Variants in SVIL observed in about 807,000 individuals in gnomAD.
SVIL encodes supervillin.
Under a neutral mutation model 240.4 loss-of-function variants are expected in SVIL, and 101 were observed. The observed-to-expected ratio is 0.42, with a 90% CI of 0.36 to 0.50. The LOEUF is 0.50. SVIL is among the 20% of genes least tolerant of loss of function. SVIL has a pLI of 0.01. For missense variants in SVIL, 2,512 were observed against 2,818.7 expected (o/e 0.89, Z 2.46); for synonymous variants, 999 against 1,100.0 (o/e 0.91, Z 1.82).
rs149889108 is a variant in SVIL at position 29,473,678 on chromosome 10, A to G, written c.5529+160T>C. 6,188 of 864,904 alleles carry G rather than the reference A, an allele frequency of 7.2e-3. 26 individuals carry two copies. Among genetic ancestry groups the G allele is most frequent in the Middle Eastern group, 0.02 (59 of 2,884 alleles). The allele number at this position is 864,904 out of a possible 1,614,324, so 53.6% of individuals were successfully genotyped here. On this transcript the variant is annotated intron_variant, in intron 30 of 37. Transcript: ENST00000355867. The stretch of plus-strand genomic sequence containing the variant: ...GGAGGAGGAAAGAAATGGGAGGCAC[A>G]GCCTGAGACCTGCAGAAGCCAGACC...
intron 17 of SVIL, chr10:29,507,829 A>G: frequency 1.0e-6 from 1 of 974,342 alleles, no homozygotes; most frequent in Non-Finnish European, 1.2e-6. Context: ...AGAGCAAAGC[A>G]AGAGGGTTTA....
At chr10:29,497,700 C>T (rs1338885772) in intron 18 of SVIL, among the ~76,000 whole-genome samples, 1 of 152,114 alleles carries the variant, frequency 6.6e-6, no homozygotes, top group Non-Finnish European at 1.5e-5. Context: ...AGGAATTAAC[C>T]TAAAAGGAAG....
intron 1 of SVIL, among the ~76,000 whole-genome samples, chr10:29,702,369 C>T (rs1011488391): frequency 3.3e-5 from 5 of 151,948 alleles, no homozygotes; most frequent in African/African-American, 1.2e-4. Context: ...ATTTATATGT[C>T]TCACTGGATC....
chr10:29,665,726 G>A (rs970533694), intron 2 of SVIL, among the ~76,000 whole-genome samples: 1 of 152,124 alleles, frequency 6.6e-6, no homozygotes, highest in African/African-American at 2.4e-5. Context: ...CCCAGGGGGC[G>A]GAGCTTGCAG....
At chr10:29,595,631 C>T (rs562868296) in intron 1 of SVIL, among the ~76,000 whole-genome samples, 178 of 152,300 alleles carry the variant, frequency 1.2e-3, no homozygotes, top group African/African-American at 4.2e-3. Context: ...CAAACCCTTA[C>T]GACTCCTCTT....
Position 29,462,319 on chromosome 10 carries a change from G to A in SVIL, c.6360C>T (p.Pro2120=). 2 of 1,614,156 alleles carry A rather than the reference G, an allele frequency of 1.2e-6. No individual in the cohort carries two copies. Among genetic ancestry groups the A allele is most frequent in the Non-Finnish European group, 1.7e-6 (2 of 1,180,032 alleles). The change falls in exon 36 of 38, where the codon CCC becomes CCT. Residue 2120 remains proline, a synonymous_variant. Transcript: ENST00000355867. ...LEPLTFTNMF[P]SWEHREDIAE... is the part of the protein sequence containing the mutation. ...CGATGTCCTCTCTGTGCTCCCAGCT[G>A]GGAAACATATTGGTGAATGTCAGGG...
upstream of SVIL, among the ~76,000 whole-genome samples, chr10:29,637,814 A>G (rs530392962): frequency 6.6e-6 from 1 of 152,236 alleles, no homozygotes; most frequent in Non-Finnish European, 1.5e-5. Context: ...CACGACCTGG[A>G]TAAGAATCCA....
chr10:29,619,031 G>A (rs1292616131), intron 1 of SVIL, among the ~76,000 whole-genome samples: 2 of 152,116 alleles, frequency 1.3e-5, no homozygotes, highest in Admixed American at 6.6e-5. Flanking sequence ...AGTAACAATC[G>A]AACCCCTGAA....
intron 1 of SVIL, chr10:29,602,302 T>C (rs766514901): frequency 3.7e-6 from 2 of 534,128 alleles, no homozygotes; most frequent in South Asian, 1.4e-5. Context: ...CCACGGTTCA[T>C]GAAGGTGCAC....
chr10:29,515,651 C>A (rs1163768760), intron 16 of SVIL, among the ~76,000 whole-genome samples: 1 of 152,166 alleles, frequency 6.6e-6, no homozygotes, highest in Admixed American at 6.5e-5. Context: ...CCTGAACATC[C>A]ACCTTGTTAA....
At chr10:29,676,931 A>G (rs1327042675) in intron 2 of SVIL, among the ~76,000 whole-genome samples, 1 of 152,200 alleles carries the variant, frequency 6.6e-6, no homozygotes, top group East Asian at 1.9e-4. Flanking sequence ...CCAGGTCATC[A>G]GAACCCATCT....
chr10:29,688,472 T>C (rs1317675627), intron 1 of SVIL, among the ~76,000 whole-genome samples: 1 of 152,238 alleles, frequency 6.6e-6, no homozygotes, highest in East Asian at 1.9e-4. Context: ...CCAGGCTCCC[T>C]GGGATCGCTA....
chr10:29,701,819 A>G (rs1324704517), intron 1 of SVIL, among the ~76,000 whole-genome samples: 1 of 152,182 alleles, frequency 6.6e-6, no homozygotes, highest in East Asian at 1.9e-4. Flanking sequence ...TGGAAGACCA[A>G]ATAAAATGTT....
In SVIL at chr10:29,486,155, T is replaced by A. The variant is rs750285739; in HGVS notation, c.4709A>T (p.Asp1570Val). 2.3e-5 allele frequency: 37 copies of A among 1,614,104 alleles called. No individual in the cohort carries two copies. Among genetic ancestry groups the A allele is most frequent in the Admixed American group, 3.3e-5 (2 of 60,010 alleles). The change falls in exon 26 of 38, where the codon GAT becomes GTT. Residue 1570 changes from aspartate (D) to valine (V), a missense_variant. Asp to Val is a radical substitution (Grantham distance 152). Coordinates refer to ENST00000355867, the MANE Select transcript of SVIL (RefSeq NM_021738.3). Reference protein sequence around the residue: ...IETNCIYRLMDDKLVPDDDYW... With the variant: ...IETNCIYRLMVDKLVPDDDYW... ...GTCGTCATCAGGAACAAGTTTGTCATCCATGAGACGGTAAATGCAGTTAGT... is the reference window on the plus strand; with the variant it reads ...GTCGTCATCAGGAACAAGTTTGTCAACCATGAGACGGTAAATGCAGTTAGT...
intron 2 of SVIL, among the ~76,000 whole-genome samples, chr10:29,564,115 T>C (rs1461770876): frequency 1.3e-5 from 2 of 151,546 alleles, no homozygotes; most frequent in Non-Finnish European, 2.9e-5. Context: ...TATTGACTGG[T>C]GGTGTCAACA....
Position 29,533,229 on chromosome 10 carries a change from C to A in SVIL, c.1138G>T (p.Val380Leu). ...GCATTTTCTGGGGTTTCTGGCGTCA[C>A]TAGCTTGGCGGTGTGACCGGTATCT... ...PADTGHTAKL[V>L]TPETPENASE... The change falls in exon 8 of 38, where the codon GTG becomes TTG. Residue 380 changes from valine to leucine, a missense_variant. Physicochemically the swap from Val to Leu is conservative, Grantham distance 32. Coordinates refer to ENST00000355867, the MANE Select transcript of SVIL (RefSeq NM_021738.3). 6.2e-7 allele frequency: 1 copy of A among 1,614,144 alleles called. No homozygotes were observed. Among genetic ancestry groups the A allele is most frequent in the African/African-American group, 1.3e-5 (1 of 75,030 alleles).
At chr10:29,510,300 G>C (rs1331801593) in intron 17 of SVIL, among the ~76,000 whole-genome samples, 3 of 152,200 alleles carry the variant, frequency 2.0e-5, no homozygotes, top group Admixed American at 6.5e-5. Context: ...AACAGTTACA[G>C]ATTTTTCAAG....
intron 10 of SVIL, 131 bp downstream of exon 10, chr10:29,531,123 C>T (rs552181409): frequency 3.9e-5 from 34 of 865,740 alleles, no homozygotes; most frequent in South Asian, 1.0e-4. Flanking sequence ...ATCCACAGAA[C>T]GAAAACCTGC....
At chr10:29,730,349 C>T (rs1964548516) in intron 1 of SVIL, among the ~76,000 whole-genome samples, 1 of 152,146 alleles carries the variant, frequency 6.6e-6, no homozygotes, top group African/African-American at 2.4e-5. Context: ...TGAGACTCAA[C>T]CTCCAGCTTC....
Sources: allele counts gnomAD v4.1 joint callset (sites outside exome capture counted in the v4.1 genomes callset), GRCh38; gene constraint gnomAD v4.1.1; transcripts MANE v1.5; gene names NCBI Gene and HGNC (gene_info 2026-07-23, HGNC 2026-07-21).